BABAM1: variants seen among roughly 807,000 people sequenced by gnomAD.
The protein encoded by BABAM1 is BRISC and BRCA1-A complex member 1.
In BABAM1, 14 loss-of-function variants were observed where a neutral mutation model predicts 34.4. The observed-to-expected ratio is 0.41, with a 90% CI of 0.27 to 0.64. The LOEUF is 0.64. Ranked by LOEUF, BABAM1 falls within the 30% of genes least tolerant of loss-of-function variation. BABAM1 has a pLI of 0.34. For synonymous variants in BABAM1, 169 were observed against 165.8 expected (o/e 1.02, Z -0.15); for missense variants, 393 against 434.0 (o/e 0.91, Z 0.84).
chr19:17,276,596 C>T lies in BABAM1; in HGVS notation c.671C>T (p.Pro224Leu), dbSNP rs1484734150. 6.2e-7 allele frequency: 1 copy of T among 1,606,480 alleles called. No homozygotes were observed. Among genetic ancestry groups the T allele is most frequent in the Non-Finnish European group, 8.5e-7 (1 of 1,176,732 alleles). The change falls in exon 7 of 9, where the codon CCC becomes CTC. Residue 224 changes from proline to leucine, a missense_variant. Physicochemically the swap from Pro to Leu is moderately conservative, Grantham distance 98. Transcript: ENST00000598188. ...GTCTACAGCCGTCCACCTTGCCAGC[C>T]CCAGTTCTCCTTGACGGAGCCCATG... ...ILVYSRPPCQ[P>L]QFSLTEPMKK...
At chr19:17,270,052 TC>T (rs1321614043) in intron 2 of BABAM1, among the ~76,000 whole-genome samples, 1 of 151,916 alleles carries the variant, frequency 6.6e-6, no homozygotes, top group Non-Finnish European at 1.5e-5. Flanking sequence ...TGCTTCAGCC[TC>T]CCGAGTAGCT....
In BABAM1 at chr19:17,271,659, A is replaced by G. The variant is rs1423075366; in HGVS notation, c.344+4A>G. The G allele has an allele frequency of 6.2e-7, 1 of 1,613,490 alleles. No individual in the cohort carries two copies. The highest frequency in any genetic ancestry group is 1.3e-5 in the African/African-American group (1 of 74,918). On this transcript the variant is annotated splice_donor_region_variant and intron_variant, in intron 3 of 8. Transcript: ENST00000598188. Reference sequence around the variant, plus strand: ...CAAAGCTGGAGTCGTTCAACGGGTAAGAGGGACATTTTAGGGCTTGAACAT... The same window carrying G: ...CAAAGCTGGAGTCGTTCAACGGGTAGGAGGGACATTTTAGGGCTTGAACAT...
rs73931066 is a variant in BABAM1, at chr19:17,275,951, G to A, written c.569+126G>A. On this transcript the variant is annotated intron_variant, in intron 6 of 8. Transcript: ENST00000598188. ...GCCTCCTCCCTTCCTACCTCGCCCC[G>A]AGCAATTCCTCATTTATGTGTGTCT... 5.6e-3 allele frequency: 5,907 copies of A among 1,058,972 alleles called. 209 individuals are homozygous for A. In the African/African-American group the frequency reaches 0.081, roughly 14 times the overall value. The allele number at this position is 1,058,972 out of a possible 1,614,324, so 65.6% of individuals were successfully genotyped here.
chr19:17,276,097 A>C (rs1470472310), intron 6 of BABAM1, among the ~76,000 whole-genome samples: 2 of 152,176 alleles, frequency 1.3e-5, no homozygotes, highest in African/African-American at 2.4e-5. Context: ...CTGTAATCTC[A>C]GCACTTTGGG....
In BABAM1 at chr19:17,268,889, G is replaced by C. The variant is rs747222196; in HGVS notation, c.83G>C (p.Arg28Pro). The C allele has an allele frequency of 6.3e-7, 1 of 1,593,596 alleles. No homozygotes were observed. The change falls in exon 2 of 9, where the codon CGC (arginine) becomes CCC (proline). Residue 28 changes from arginine (R) to proline (P), a missense_variant. Coordinates refer to ENST00000598188, the MANE Select transcript of BABAM1 (RefSeq NM_014173.4). ...TCGGCAGAGCCTCGGCCCCGCACTC[G>C]CTCCAATCCTGAAGGGGCTGAGGAC... ...EHSAEPRPRT[R>P]SNPEGAEDRA...
intron 2 of BABAM1, among the ~76,000 whole-genome samples, chr19:17,271,272 G>A (rs541955125): frequency 7.2e-5 from 11 of 152,284 alleles, no homozygotes; most frequent in African/African-American, 2.6e-4. Context: ...TTACAGGTGT[G>A]AGCCACTGTG....
chr19:17,274,256 G>T, intron 5 of BABAM1, 71 bp downstream of exon 5: 1 of 1,569,390 alleles, frequency 6.4e-7, no homozygotes. Context: ...GCCCAGGAAA[G>T]TCTAAGTCAT....
chr19:17,278,530 T>C (rs943631894), intron 8 of BABAM1, among the ~76,000 whole-genome samples: 19 of 151,918 alleles, frequency 1.3e-4, no homozygotes, highest in East Asian at 3.9e-4. Context: ...AGGATGGTCT[T>C]GATCTCCTGA....
In BABAM1 at chr19:17,276,883, G is replaced by A. The variant is rs1372063615; in HGVS notation, c.760G>A (p.Glu254Lys). The A allele has an allele frequency of 1.2e-6, 2 of 1,601,162 alleles. No homozygotes were observed. Among genetic ancestry groups the A allele is most frequent in the Non-Finnish European group, 1.7e-6 (2 of 1,173,796 alleles). Reference sequence around the variant, plus strand: ...TGTTTACATCCACAATGGCACTGAGGAGAAGGAGGAGGAGATGAGTTGGAA... The same window carrying A: ...TGTTTACATCCACAATGGCACTGAGAAGAAGGAGGAGGAGATGAGTTGGAA... ...DVVYIHNGTE[E>K]KEEEMSWKDM... Residue 254 changes from glutamate (E) to lysine (K), a missense_variant, in exon 8 of 9, where the codon GAG (glutamate) becomes AAG (lysine). Coordinates refer to ENST00000598188, the MANE Select transcript of BABAM1 (RefSeq NM_014173.4).
intron 8 of BABAM1, 67 bp downstream of exon 8, chr19:17,276,976 C>A: frequency 7.0e-7 from 1 of 1,431,698 alleles, no homozygotes; most frequent in Non-Finnish European, 9.6e-7. Flanking sequence ...CACACCTGCA[C>A]TGGGTCTGGG....
At chr19:17,274,983 G>A (rs1200433945) in intron 5 of BABAM1, among the ~76,000 whole-genome samples, 2 of 152,060 alleles carry the variant, frequency 1.3e-5, no homozygotes, top group Admixed American at 1.3e-4. Context: ...TTGGCTCATT[G>A]CAACTTCCAC....
In BABAM1 at chr19:17,273,986, G is replaced by A. The variant is rs376352234; in HGVS notation, c.427G>A (p.Glu143Lys). Reference sequence around the variant, plus strand: ...AAAACACAAGATCGACAAAAGCCACGAGTTTGCACTGGTGGTGGTGAACGA... The same window carrying A: ...AAAACACAAGATCGACAAAAGCCACAAGTTTGCACTGGTGGTGGTGAACGA... ...RTKHKIDKSH[E>K]FALVVVNDDT... is the part of the protein sequence containing the mutation. The change falls in exon 4 of 9, where the codon GAG becomes AAG. Residue 143 changes from glutamate to lysine, a missense_variant. Coordinates refer to ENST00000598188, the MANE Select transcript of BABAM1 (RefSeq NM_014173.4). 3 of 1,613,976 alleles carry A rather than the reference G, an allele frequency of 1.9e-6. No homozygotes were observed. Among genetic ancestry groups the A allele is most frequent in the South Asian group, 1.1e-5 (1 of 91,084 alleles).
intron 5 of BABAM1, among the ~76,000 whole-genome samples, chr19:17,274,946 G>C (rs775539801): frequency 6.6e-6 from 1 of 152,098 alleles, no homozygotes; most frequent in African/African-American, 2.4e-5. Context: ...TGCTCTTGTT[G>C]CCCTGGCTGA....
At chr19:17,270,710 C>T (rs1197196815) in intron 2 of BABAM1, among the ~76,000 whole-genome samples, 14 of 150,360 alleles carry the variant, frequency 9.3e-5, no homozygotes, top group African/African-American at 2.7e-4. Context: ...TTTTTTGAGA[C>T]GGAGTCTCGC....
chr19:17,274,922 A>G (rs2073891107), intron 5 of BABAM1, among the ~76,000 whole-genome samples: 5 of 151,818 alleles, frequency 3.3e-5, no homozygotes, highest in Admixed American at 3.3e-4. Context: ...ACCTTTTTTT[A>G]TTTTTGCTCC....
At position 17,268,806 on chromosome 19, in the gene BABAM1, C is replaced by T. The variant is rs962505302; in HGVS notation, c.-1C>T. On this transcript the variant is annotated 5_prime_UTR_variant, in exon 2 of 9. Coordinates refer to ENST00000598188, the MANE Select transcript of BABAM1 (RefSeq NM_014173.4). ...GTGTTCCATCTAGCCACACAGGAGCCATGGAAGTGGCAGAGCCCAGCAGCC... is the reference window on the plus strand; with the variant it reads ...GTGTTCCATCTAGCCACACAGGAGCTATGGAAGTGGCAGAGCCCAGCAGCC... 3.1e-6 allele frequency: 5 copies of T among 1,599,330 alleles called. No homozygotes were observed. Among genetic ancestry groups the T allele is most frequent in the Non-Finnish European group, 4.3e-6 (5 of 1,171,340 alleles).
At chr19:17,278,323 T>C (rs1321579672) in intron 8 of BABAM1, among the ~76,000 whole-genome samples, 1 of 151,100 alleles carries the variant, frequency 6.6e-6, no homozygotes, top group Non-Finnish European at 1.5e-5. Flanking sequence ...TCTTTTTTTT[T>C]TTTGAGGCGG....
chr19:17,278,173 CA>C (rs954552244), intron 8 of BABAM1, among the ~76,000 whole-genome samples: 27 of 148,534 alleles, frequency 1.8e-4, no homozygotes, highest in Admixed American at 1.2e-3. Context: ...AACCCTGTCT[CA>C]AAAAAAAAAT....
At chr19:17,271,753 G>A in intron 3 of BABAM1, 98 bp downstream of exon 3, 3 of 1,395,076 alleles carry the variant, frequency 2.2e-6, no homozygotes, top group South Asian at 2.5e-5. Flanking sequence ...CACCAGCTTG[G>A]TCTGGCTTCA....
Sources: allele counts gnomAD v4.1 joint callset (sites outside exome capture counted in the v4.1 genomes callset), GRCh38; gene constraint gnomAD v4.1.1; transcripts MANE v1.5; gene names NCBI Gene and HGNC (gene_info 2026-07-23, HGNC 2026-07-21).